Variants in DCTN4 observed in about 807,000 individuals in gnomAD.
DCTN4 encodes dynactin subunit 4.
DCTN4 carries 23 observed loss-of-function variants against 62.7 expected under a neutral mutation model. That is an observed-to-expected ratio of 0.37 (90% CI 0.26 to 0.52). The LOEUF (loss-of-function observed/expected upper bound fraction) is 0.52, where lower values mean the gene tolerates loss of function less well. DCTN4 is among the 20% of genes least tolerant of loss of function. DCTN4 has a pLI of 0.92. For missense variants in DCTN4, 514 were observed against 580.4 expected (o/e 0.89, Z 1.18); for synonymous variants, 199 against 202.1 (o/e 0.98, Z 0.13).
chr5:150,757,946 T>C (rs1463859757), intron 1 of DCTN4: 2 of 408,462 alleles, frequency 4.9e-6, no homozygotes, highest in Non-Finnish European at 6.6e-6. Flanking sequence ...TCTGTTTCTT[T>C]ACCTGTAAAA....
chr5:150,725,271 G>A (rs2113024064), intron 8 of DCTN4, among the ~76,000 whole-genome samples: 1 of 151,924 alleles, frequency 6.6e-6, no homozygotes, highest in Middle Eastern at 3.4e-3. Flanking sequence ...TGTATTTGTG[G>A]AGGTGCAAGG....
intron 12 of DCTN4, among the ~76,000 whole-genome samples, chr5:150,714,140 T>C (rs1393421815): frequency 6.6e-6 from 1 of 152,116 alleles, no homozygotes; most frequent in African/African-American, 2.4e-5. Flanking sequence ...ACTGTGAATG[T>C]TCCCTGTGCC....
chr5:150,748,299 G>A (rs11954610), intron 3 of DCTN4, among the ~76,000 whole-genome samples: 19,203 of 149,022 alleles, frequency 0.13, 1,990 homozygotes, highest in African/African-American at 0.3. Flanking sequence ...AGGTGCTGGA[G>A]AGGATGTGGA....
chr5:150,742,068 A>T (rs749458032), intron 4 of DCTN4, 46 bp downstream of exon 4: 2 of 1,568,888 alleles, frequency 1.3e-6, no homozygotes, highest in Non-Finnish European at 8.8e-7. Flanking sequence ...TCTTTTACTC[A>T]ATTTTTTCCG....
rs986548846 is a variant in DCTN4 at position 150,723,068 on chromosome 5, T to C, written c.835-88A>G. On this transcript the variant is annotated intron_variant, in intron 8 of 12. Coordinates refer to ENST00000447998, the MANE Select transcript of DCTN4 (RefSeq NM_016221.4). ...GCTGCTAAATTCAGAAGGACAGCAT[T>C]TACGAGAATTTTGTTTTGTTTTGTT... is the stretch of plus-strand genomic sequence containing the variant. 2.1e-5 allele frequency: 20 copies of C among 963,616 alleles called. No individual in the cohort carries two copies. In the East Asian group the frequency reaches 5.0e-4, roughly 24 times the overall value. 59.7% of individuals were successfully genotyped at this position (963,616 alleles called of 1,614,324 possible).
chr5:150,726,421 T>C (rs17111305), intron 8 of DCTN4, among the ~76,000 whole-genome samples: 3,074 of 152,224 alleles, frequency 0.02, 98 homozygotes, highest in African/African-American at 0.068. Context: ...GTTTAAAACA[T>C]ATTAGTTTGT....
intron 3 of DCTN4, among the ~76,000 whole-genome samples, chr5:150,750,282 C>T (rs1422134850): frequency 1.3e-5 from 2 of 152,012 alleles, no homozygotes; most frequent in African/African-American, 2.4e-5. Flanking sequence ...AATGAGATAC[C>T]ATTTCACAAC....
At chr5:150,718,546 T>C (rs1759853115) in intron 10 of DCTN4, among the ~76,000 whole-genome samples, 163 bp from the exon 11 acceptor site, 1 of 152,230 alleles carries the variant, frequency 6.6e-6, no homozygotes, top group African/African-American at 2.4e-5. Flanking sequence ...CCCTGTTCTA[T>C]TATCTATATG....
rs1185391768 is a variant in DCTN4 at position 150,710,962 on chromosome 5, A to G, written c.*187T>C. ...ACTTACTGGTGTCAACAGGGGTGAG[A>G]GCAAGAGCAACAGCAGCTACCCTGT... On this transcript the variant is annotated 3_prime_UTR_variant, in exon 13 of 13. Transcript: ENST00000447998. The G allele has an allele frequency of 4.9e-6, 3 of 611,860 alleles. No individual in the cohort carries two copies. The highest frequency in any genetic ancestry group is 2.9e-5 in the Admixed American group (1 of 34,492). 37.9% of individuals were successfully genotyped at this position (611,860 alleles called of 1,614,324 possible). A position where few individuals can be genotyped will look rare whatever the true frequency, so the allele number is the denominator to read the frequency against.
At chr5:150,756,639 G>GTTTT (rs35101821) in intron 1 of DCTN4, 152 bp from the exon 2 acceptor site, 105 of 294,232 alleles carry the variant, frequency 3.6e-4, no homozygotes, top group Middle Eastern at 9.1e-4. Context: ...TCAGTCACCT[G>GTTTT]TTTTTTTTTT....
intron 12 of DCTN4, among the ~76,000 whole-genome samples, chr5:150,714,508 C>T (rs1270690943): frequency 6.6e-6 from 1 of 151,852 alleles, no homozygotes; most frequent in African/African-American, 2.4e-5. Context: ...TCCTGAGTAG[C>T]TGGGACTACA....
At position 150,711,107 on chromosome 5, in the gene DCTN4, C is replaced by T. The variant is rs199962532; in HGVS notation, c.*42G>A. On this transcript the variant is annotated 3_prime_UTR_variant, in exon 13 of 13. Transcript: ENST00000447998. ...GCTTCCACATTTTAACGCAGGTTTA[C>T]GGTGATACTGTCCTTTGGGATCTGC... is the stretch of plus-strand genomic sequence containing the variant. The T allele has an allele frequency of 6.4e-5, 100 of 1,574,664 alleles. No individual in the cohort carries two copies. The highest frequency in any genetic ancestry group is 7.8e-5 in the Non-Finnish European group (90 of 1,146,756).
At chr5:150,728,366 C>T (rs1051684013) in intron 8 of DCTN4, among the ~76,000 whole-genome samples, 1 of 152,082 alleles carries the variant, frequency 6.6e-6, no homozygotes, top group Admixed American at 6.6e-5. Context: ...GAAAAGAATG[C>T]ATATATTCTG....
intron 12 of DCTN4, among the ~76,000 whole-genome samples, chr5:150,713,445 CT>C (rs371366897): frequency 0.013 from 1,784 of 135,522 alleles, 18 homozygotes; most frequent in Middle Eastern, 0.041. Flanking sequence ...CTTTTCTTTT[CT>C]TTTTTTTTTT....
intron 2 of DCTN4, chr5:150,755,707 T>C (rs947119721): frequency 2.8e-6 from 1 of 356,114 alleles, no homozygotes; most frequent in Non-Finnish European, 5.5e-6. Flanking sequence ...CCAAGAGGAG[T>C]CTAGAGACAT....
At chr5:150,712,207 G>A (rs1759595078) in intron 12 of DCTN4, among the ~76,000 whole-genome samples, 1 of 152,046 alleles carries the variant, frequency 6.6e-6, no homozygotes, top group African/African-American at 2.4e-5. Context: ...TTGGCTCACC[G>A]CAACCTCCGC....
intron 8 of DCTN4, among the ~76,000 whole-genome samples, chr5:150,725,484 T>C (rs151107821): frequency 2.0e-4 from 31 of 152,220 alleles, no homozygotes; most frequent in Middle Eastern, 3.4e-3. Flanking sequence ...CTTAATTTAC[T>C]GTATTTTATA....
chr5:150,716,423 T>G (rs567863297), intron 11 of DCTN4, among the ~76,000 whole-genome samples: 44 of 152,318 alleles, frequency 2.9e-4, no homozygotes, highest in African/African-American at 1.1e-3. Flanking sequence ...GGAAAACAAT[T>G]AGCATTCTTC....
In DCTN4 at chr5:150,732,910, G is replaced by C. The variant is rs1184572589; in HGVS notation, c.537+458C>G. 2.6e-5 allele frequency among the ~76,000 whole-genome samples: 4 copies of C among 152,238 alleles called. No individual in the cohort carries two copies. The East Asian group carries it at 5.8e-4, about 22-fold the overall frequency. ...CACAAGTGCACTATGTAAAAAGTCAGTGTTTTTCATCTTGGAGAAACAGGG... is the reference window on the plus strand; with the variant it reads ...CACAAGTGCACTATGTAAAAAGTCACTGTTTTTCATCTTGGAGAAACAGGG... On this transcript the variant is annotated intron_variant, in intron 5 of 12. Transcript: ENST00000447998.
Sources: gnomAD v4.1 joint callset for allele counts (sites outside exome capture counted in the v4.1 genomes callset) on GRCh38, gnomAD v4.1.1 for gene constraint, MANE v1.5 for transcripts, NCBI Gene and HGNC (gene_info 2026-07-23, HGNC 2026-07-21) for gene names.